Variants in NSD2 observed in about 807,000 individuals in gnomAD.
NSD2 encodes nuclear receptor binding SET domain protein 2.
A neutral mutation model predicts 139.0 loss-of-function variants in NSD2; 12 were observed. The observed-to-expected ratio is 0.09, with a 90% CI of 0.06 to 0.14. The LOEUF is 0.14. Among genes scored for constraint, NSD2 ranks in the 10% least tolerant of loss-of-function variants. NSD2 has a pLI of 1.00. For missense variants in NSD2, 1,155 were observed against 1,745.0 expected (o/e 0.66, Z 6.02); for synonymous variants, 669 against 648.7 (o/e 1.03, Z -0.48).
chr4:1,957,952 T>G lies in NSD2; in HGVS notation c.2901T>G (p.Ala967=), dbSNP rs1339835754. The G allele has an allele frequency of 1.2e-6, 2 of 1,614,176 alleles. No individual in the cohort carries two copies. Among genetic ancestry groups the G allele is most frequent in the East Asian group, 2.2e-5 (1 of 44,878 alleles). Residue 967 remains alanine, a synonymous_variant, in exon 16 of 22, where the codon GCT becomes GCG. Transcript: ENST00000508803. ...VFKNALQEAE[A]RFREIKLQRE... Reference sequence around the variant, plus strand: ...TTTTAGCACTGCAAGAAGCTGAAGCTCGTTTTCGTGAAATTAAGCTTCAGA... The same window carrying G: ...TTTTAGCACTGCAAGAAGCTGAAGCGCGTTTTCGTGAAATTAAGCTTCAGA...
intron 5 of NSD2, among the ~76,000 whole-genome samples, chr4:1,923,052 A>G (rs557706516): frequency 6.6e-6 from 1 of 152,208 alleles, no homozygotes; most frequent in African/African-American, 2.4e-5. Flanking sequence ...GGAGGTCTGC[A>G]CTGGACGTGG....
chr4:1,879,824 TTGTGTGTGTGTGTG>T (rs140755867), intron 1 of NSD2, among the ~76,000 whole-genome samples: 13 of 144,158 alleles, frequency 9.0e-5, no homozygotes, highest in Non-Finnish European at 1.7e-4. Context: ...CCCATGGCAC[TTGTGTGTGTGTGTG>T]TGTGTGTGTG....
At chr4:1,885,532 A>G (rs375200122) in intron 1 of NSD2, among the ~76,000 whole-genome samples, 1 of 152,168 alleles carries the variant, frequency 6.6e-6, no homozygotes, top group African/African-American at 2.4e-5. Flanking sequence ...CCCTGTTGAC[A>G]TGTATTTTGA....
chr4:1,919,630 A>G (rs1312935872), intron 5 of NSD2, among the ~76,000 whole-genome samples: 1 of 152,054 alleles, frequency 6.6e-6, no homozygotes, highest in Admixed American at 6.6e-5. Context: ...TGGTGATTAA[A>G]GGTATCAAAA....
chr4:1,882,458 T>C (rs952002810), intron 1 of NSD2, among the ~76,000 whole-genome samples: 3 of 152,088 alleles, frequency 2.0e-5, no homozygotes, highest in African/African-American at 7.2e-5. Context: ...GGTCAGAAGA[T>C]CGAGACCATC....
intron 5 of NSD2, among the ~76,000 whole-genome samples, chr4:1,923,095 A>G (rs563397813): frequency 3.9e-5 from 6 of 152,164 alleles, no homozygotes; most frequent in Admixed American, 2.6e-4. Context: ...GAACTTGGCC[A>G]GCATGGGAGA....
At chr4:1,968,684 T>C (rs1246858096) in intron 18 of NSD2, among the ~76,000 whole-genome samples, 3 of 152,140 alleles carry the variant, frequency 2.0e-5, no homozygotes, top group Non-Finnish European at 4.4e-5. Context: ...GTGGTTTAAA[T>C]GTATAAGTTA....
intron 1 of NSD2, among the ~76,000 whole-genome samples, chr4:1,881,795 G>A (rs1428744658): frequency 6.6e-6 from 1 of 152,168 alleles, no homozygotes; most frequent in African/African-American, 2.4e-5. Flanking sequence ...TAATAGGGAG[G>A]TTATACCTGA....
chr4:1,919,364 T>A (rs1719829145), intron 5 of NSD2, among the ~76,000 whole-genome samples: 2 of 152,104 alleles, frequency 1.3e-5, no homozygotes, highest in Non-Finnish European at 2.9e-5. Flanking sequence ...GGGTGTTGAT[T>A]TATTTCCCTG....
At chr4:1,891,836 G>T (rs571622003) in intron 1 of NSD2, among the ~76,000 whole-genome samples, 2 of 141,566 alleles carry the variant, frequency 1.4e-5, no homozygotes, top group African/African-American at 5.3e-5. Context: ...CAGCCTGGGC[G>T]ACAGAGGGAG....
intron 5 of NSD2, among the ~76,000 whole-genome samples, chr4:1,925,946 C>T (rs1720856006): frequency 6.6e-6 from 1 of 151,006 alleles, no homozygotes; most frequent in African/African-American, 2.4e-5. Context: ...GGGACTACAG[C>T]CATGTGCCAC....
chr4:1,943,389 C>A (rs1000675661), intron 9 of NSD2: 99 of 1,042,102 alleles, frequency 9.5e-5, no homozygotes, highest in Non-Finnish European at 1.1e-4. Context: ...TCCGTGGTTT[C>A]CTGTTGTGAC....
rs1302142336 is a variant in NSD2, at chr4:1,973,809, C to T, written c.3373-1054C>T. ...TCACACACGTGGTTTTGTTTGAACA[C>T]GTGACTGTTACGCTTTATGTGGCCT... On this transcript the variant is annotated intron_variant, in intron 18 of 21. Transcript: ENST00000508803. The surrounding 1 kb of genome is among the most constrained non-coding windows in gnomAD (Gnocchi z 5.5). Among the ~76,000 whole-genome samples the T allele has an allele frequency of 2.6e-5, 4 of 152,216 alleles. No homozygotes were observed. Among genetic ancestry groups the T allele is most frequent in the Admixed American group, 6.5e-5 (1 of 15,284 alleles).
rs1329849826 is a variant in NSD2, at chr4:1,956,130, G to A, written c.2823G>A (p.Glu941=). The change falls in exon 15 of 22, where the codon GAG becomes GAA. Residue 941 remains glutamate (E), a synonymous_variant. Coordinates refer to ENST00000508803, the MANE Select transcript of NSD2 (RefSeq NM_001042424.3). The surrounding 1 kb of genome is among the most constrained non-coding windows in gnomAD (Gnocchi z 5.3). ...THQARVFPYM[E]GDRGSRYQGV... ...AGGCGCGAGTGTTCCCGTACATGGA[G>A]GGGGACCGGGGCAGCCGCTACCAGG... 4 of 1,613,774 alleles carry A rather than the reference G, an allele frequency of 2.5e-6. No homozygotes were observed. Among genetic ancestry groups the A allele is most frequent in the African/African-American group, 1.3e-5 (1 of 74,914 alleles).
At chr4:1,968,052 A>G (rs1726069352) in intron 18 of NSD2, among the ~76,000 whole-genome samples, 1 of 152,334 alleles carries the variant, frequency 6.6e-6, no homozygotes, top group Admixed American at 6.5e-5. Flanking sequence ...CCAAATTGGC[A>G]GCATATTAAA....
intron 9 of NSD2, among the ~76,000 whole-genome samples, chr4:1,950,272 A>G (rs965445857): frequency 1.3e-5 from 2 of 152,176 alleles, no homozygotes; most frequent in African/African-American, 4.8e-5. Flanking sequence ...AGTGATTTCT[A>G]TTAAATGAAG....
chr4:1,912,707 C>T (rs1416742428), intron 3 of NSD2, among the ~76,000 whole-genome samples: 2 of 152,080 alleles, frequency 1.3e-5, no homozygotes, highest in African/African-American at 4.8e-5. Flanking sequence ...TCCTTCCTTA[C>T]TACTTAGATT....
Position 1,980,348 on chromosome 4 carries a change from G to A in NSD2, c.*1439G>A, listed in dbSNP as rs1383530490. On this transcript the variant is annotated 3_prime_UTR_variant, in exon 22 of 22. Coordinates refer to ENST00000508803, the MANE Select transcript of NSD2 (RefSeq NM_001042424.3). ...GGGCACCATGTGTGCCTTTGCCCAC[G>A]TGTCCTGAGGGGCTGCTTGTCTGGG... The A allele has an allele frequency of 2.1e-5, 5 of 233,136 alleles. No individual in the cohort carries two copies. Among genetic ancestry groups the A allele is most frequent in the South Asian group, 1.8e-4 (1 of 5,532 alleles). 14.4% of individuals were successfully genotyped at this position (233,136 alleles called of 1,614,324 possible). A position where few individuals can be genotyped will look rare whatever the true frequency, so the allele number is the denominator to read the frequency against.
Position 1,956,152 on chromosome 4 carries a change from C to G in NSD2, c.2845C>G (p.Gln949Glu). Residue 949 changes from glutamine to glutamate, a missense_variant, in exon 15 of 22, where the codon CAG becomes GAG. Gln to Glu is a conservative substitution (Grantham distance 29). This residue lies in a region of NSD2 where 139 missense variants were observed against 485.8 expected (regional missense o/e 0.29). Coordinates refer to ENST00000508803, the MANE Select transcript of NSD2 (RefSeq NM_001042424.3). This position sits in a 1 kb window ranked among gnomAD's most constrained non-coding sequence, Gnocchi z 5.3. ...YMEGDRGSRY[Q>E]GVRGIGRVFK... The stretch of plus-strand genomic sequence containing the variant: ...GGAGGGGGACCGGGGCAGCCGCTAC[C>G]AGGGGGTCAGAGGGATCGGAAGAGT... 1 of 1,613,816 alleles carries G rather than the reference C, an allele frequency of 6.2e-7. No individual in the cohort carries two copies. The highest frequency in any genetic ancestry group is 8.5e-7 in the Non-Finnish European group (1 of 1,179,944).
Sources: allele counts gnomAD v4.1 joint callset (sites outside exome capture counted in the v4.1 genomes callset), GRCh38; gene constraint gnomAD v4.1.1; regional missense constraint gnomAD v4.1.1; non-coding constraint Gnocchi (gnomAD v3.1); transcripts MANE v1.5; gene names NCBI Gene and HGNC (gene_info 2026-07-23, HGNC 2026-07-21).